Variants in PEPD observed in about 807,000 individuals in gnomAD.
PEPD encodes xaa-Pro dipeptidase.
A neutral mutation model predicts 60.7 loss-of-function variants in PEPD; 53 were observed. The ratio of observed to expected loss-of-function variants is 0.87; its 90% CI spans 0.70 to 1.10. The LOEUF is 1.10. PEPD is among the 50% of genes least tolerant of loss of function. The pLI, the probability that PEPD is intolerant of heterozygous loss-of-function variation, is 0.00. For missense variants in PEPD, 711 were observed against 711.9 expected (o/e 1.00, Z 0.01); for synonymous variants, 267 against 284.1 (o/e 0.94, Z 0.60).
chr19:33,448,057 C>T (rs1969624907), intron 9 of PEPD, among the ~76,000 whole-genome samples: 1 of 152,194 alleles, frequency 6.6e-6, no homozygotes, highest in Non-Finnish European at 1.5e-5. Context: ...TGGAGACAGC[C>T]CTTCCTGGAT....
intron 3 of PEPD, among the ~76,000 whole-genome samples, chr19:33,507,178 C>T (rs1362664886): frequency 6.6e-6 from 1 of 152,108 alleles, no homozygotes; most frequent in Non-Finnish European, 1.5e-5. Context: ...GAGCCGGGGA[C>T]GGAATGCGTT....
intron 9 of PEPD, among the ~76,000 whole-genome samples, chr19:33,429,742 C>T (rs1053426455): frequency 6.6e-6 from 1 of 152,160 alleles, no homozygotes; most frequent in South Asian, 2.1e-4. Context: ...AAAAATATTT[C>T]CAACACACAG....
intron 10 of PEPD, among the ~76,000 whole-genome samples, chr19:33,412,814 G>A (rs1408545077): frequency 6.6e-6 from 1 of 152,256 alleles, no homozygotes; most frequent in South Asian, 2.1e-4. Flanking sequence ...CCAGACCCGA[G>A]GGGCAGAGAG....
intron 9 of PEPD, among the ~76,000 whole-genome samples, chr19:33,418,085 C>T (rs1465322769): frequency 6.6e-6 from 1 of 152,198 alleles, no homozygotes; most frequent in Non-Finnish European, 1.5e-5. Context: ...CCCGCCTTCC[C>T]GGGGTGCGCC....
intron 9 of PEPD, among the ~76,000 whole-genome samples, chr19:33,434,090 TTA>T (rs2145400417): frequency 6.6e-6 from 1 of 152,296 alleles, no homozygotes; most frequent in African/African-American, 2.4e-5. Context: ...GCTGGGAACT[TTA>T]TGTCAGTGGG....
Position 33,493,329 on chromosome 19 carries a change from G to C in PEPD, c.402C>G (p.Ser134Arg). 1 of 1,612,772 alleles carries C rather than the reference G, an allele frequency of 6.2e-7. No individual in the cohort carries two copies. The highest frequency in any genetic ancestry group is 8.5e-7 in the Non-Finnish European group (1 of 1,178,910). Reference protein sequence around the residue: ...DDVQYVDEIASVLTSQKPSVL... With the variant: ...DDVQYVDEIARVLTSQKPSVL... ...CAGAGGGCTTCTGTGACGTCAGGACGCTGGCAATCTAGAAGGTCGGAAAGA... is the reference window on the plus strand; with the variant it reads ...CAGAGGGCTTCTGTGACGTCAGGACCCTGGCAATCTAGAAGGTCGGAAAGA... The change falls in exon 5 of 15, where the codon AGC (serine) becomes AGG (arginine). Residue 134 changes from serine to arginine, a missense_variant. Physicochemically the swap from Ser to Arg is moderately radical, Grantham distance 110 (BLOSUM62 -1). Coordinates refer to ENST00000244137, the MANE Select transcript of PEPD (RefSeq NM_000285.4).
intron 11 of PEPD, among the ~76,000 whole-genome samples, chr19:33,407,869 C>T (rs1968669336): frequency 6.6e-6 from 1 of 152,224 alleles, no homozygotes; most frequent in African/African-American, 2.4e-5. Context: ...AGTCCCGTCC[C>T]TCACCCCTGC....
chr19:33,458,041 T>C (rs892278447), intron 9 of PEPD, among the ~76,000 whole-genome samples: 1 of 152,050 alleles, frequency 6.6e-6, no homozygotes, highest in Non-Finnish European at 1.5e-5. Context: ...ATACCGTGTA[T>C]GTGAGGCATG....
chr19:33,474,507 A>G (rs77206199), intron 7 of PEPD, among the ~76,000 whole-genome samples: 1,784 of 152,214 alleles, frequency 0.012, 26 homozygotes, highest in South Asian at 0.071. Context: ...GGCTAACATG[A>G]TGAAACCCCA....
intron 9 of PEPD, among the ~76,000 whole-genome samples, chr19:33,454,478 T>A (rs1969759181): frequency 6.6e-6 from 1 of 151,932 alleles, no homozygotes; most frequent in Admixed American, 6.6e-5. Context: ...GGTGGGCACC[T>A]GTAACCCCAG....
chr19:33,457,951 G>GC, intron 9 of PEPD, among the ~76,000 whole-genome samples: 1 of 152,194 alleles, frequency 6.6e-6, no homozygotes, highest in East Asian at 1.9e-4. Context: ...CTCCAACCCC[G>GC]CCCCCAGCAC....
intron 11 of PEPD, among the ~76,000 whole-genome samples, chr19:33,410,730 G>A (rs1968745384): frequency 6.6e-6 from 1 of 152,168 alleles, no homozygotes; most frequent in Admixed American, 6.5e-5. Flanking sequence ...TAGAAGAAAG[G>A]GCACCAAAGA....
intron 7 of PEPD, among the ~76,000 whole-genome samples, chr19:33,467,693 T>G (rs1393724314): frequency 6.6e-6 from 1 of 152,142 alleles, no homozygotes; most frequent in East Asian, 1.9e-4. Context: ...GAATTCGCTT[T>G]GGGGAGGGGT....
intron 4 of PEPD, among the ~76,000 whole-genome samples, chr19:33,500,431 G>A (rs2145334549): frequency 6.6e-6 from 1 of 152,306 alleles, no homozygotes; most frequent in Non-Finnish European, 1.5e-5. Flanking sequence ...CAAGAGGACA[G>A]CCACATGCCT....
At chr19:33,508,581 T>A (rs778232143) in intron 3 of PEPD, among the ~76,000 whole-genome samples, 1 of 152,208 alleles carries the variant, frequency 6.6e-6, no homozygotes, top group Non-Finnish European at 1.5e-5. Flanking sequence ...CTGGGCCTCA[T>A]GCACGCTGGC....
At chr19:33,442,918 C>G (rs1052534653) in intron 9 of PEPD, among the ~76,000 whole-genome samples, 1 of 152,186 alleles carries the variant, frequency 6.6e-6, no homozygotes, top group African/African-American at 2.4e-5. Flanking sequence ...CCCCACAGAA[C>G]TGTGCTCCAC....
chr19:33,401,664 TAGC>T (rs1156282742), intron 12 of PEPD, 54 bp downstream of exon 12: 5 of 1,528,352 alleles, frequency 3.3e-6, no homozygotes, highest in Admixed American at 1.8e-5. Flanking sequence ...ACCTGCCACA[TAGC>T]AGCGCCCCCA....
At chr19:33,448,176 T>G (rs1327112837) in intron 9 of PEPD, among the ~76,000 whole-genome samples, 2 of 152,174 alleles carry the variant, frequency 1.3e-5, no homozygotes, top group African/African-American at 2.4e-5. Flanking sequence ...GTGATAGGTC[T>G]GGATGAGGAT....
chr19:33,426,429 T>C (rs1340450233), intron 9 of PEPD, among the ~76,000 whole-genome samples: 1 of 152,262 alleles, frequency 6.6e-6, no homozygotes, highest in Non-Finnish European at 1.5e-5. Flanking sequence ...GAAAGTGCTG[T>C]TTCCTATCAA....
Sources: gnomAD v4.1 joint callset for allele counts (sites outside exome capture counted in the v4.1 genomes callset) on GRCh38, gnomAD v4.1.1 for gene constraint, MANE v1.5 for transcripts, NCBI Gene and HGNC (gene_info 2026-07-23, HGNC 2026-07-21) for gene names.